Variants in FMN1 observed in about 807,000 individuals in gnomAD.
FMN1 encodes formin-1.
A neutral mutation model predicts 132.4 loss-of-function variants in FMN1; 110 were observed. That is an observed-to-expected ratio of 0.83 (90% CI 0.71 to 0.97). FMN1 has a LOEUF of 0.97. Among genes scored for constraint, FMN1 ranks in the 50% least tolerant of loss-of-function variants. The pLI, the probability that FMN1 is intolerant of heterozygous loss-of-function variation, is 0.00. For missense variants in FMN1, 1,792 were observed against 1,705.3 expected (o/e 1.05, Z -0.90); for synonymous variants, 722 against 651.7 (o/e 1.11, Z -1.64).
chr15:33,007,886 A>G, intron 7 of FMN1, 128 bp downstream of exon 7: 1 of 673,030 alleles, frequency 1.5e-6, no homozygotes, highest in South Asian at 2.3e-5. Flanking sequence ...CACAGTGCCT[A>G]CTGGCAGCTG....
At chr15:32,854,007 G>C (rs1290739995) in intron 17 of FMN1, among the ~76,000 whole-genome samples, 2 of 152,146 alleles carry the variant, frequency 1.3e-5, no homozygotes, top group African/African-American at 4.8e-5. Context: ...ATACAATTTA[G>C]ATTTTCTAGT....
At chr15:32,814,174 C>T (rs2057980284) in intron 17 of FMN1, among the ~76,000 whole-genome samples, 1 of 152,170 alleles carries the variant, frequency 6.6e-6, no homozygotes. Flanking sequence ...CCAAGTTATA[C>T]CATCTTCTAG....
chr15:32,849,248 C>T (rs1419565532), intron 17 of FMN1, among the ~76,000 whole-genome samples: 1 of 151,588 alleles, frequency 6.6e-6, no homozygotes, highest in Non-Finnish European at 1.5e-5. Context: ...GCCTCGGCCT[C>T]CCAAAGTGCT....
intron 17 of FMN1, among the ~76,000 whole-genome samples, chr15:32,821,241 T>C (rs1237980723): frequency 1.3e-5 from 2 of 152,044 alleles, no homozygotes; most frequent in East Asian, 3.9e-4. Flanking sequence ...CTGGGTAAAG[T>C]TGGTCCATTC....
chr15:32,791,999 A>C (rs760995691), intron 19 of FMN1, among the ~76,000 whole-genome samples: 5 of 152,152 alleles, frequency 3.3e-5, no homozygotes, highest in Non-Finnish European at 2.9e-5. Flanking sequence ...CAGAGAATAG[A>C]GCAGAAAAGA....
intron 9 of FMN1, among the ~76,000 whole-genome samples, chr15:32,941,209 GA>G (rs1369902729): frequency 1.3e-5 from 2 of 152,136 alleles, no homozygotes; most frequent in African/African-American, 4.8e-5. Context: ...TTCTTGGGGG[GA>G]AAAGTGGCTA....
At chr15:33,122,842 A>C (rs1359363374) in intron 4 of FMN1, among the ~76,000 whole-genome samples, 1 of 152,222 alleles carries the variant, frequency 6.6e-6, no homozygotes, top group Non-Finnish European at 1.5e-5. Context: ...ATATATAGGA[A>C]TAGAAAGAGA....
At chr15:33,125,985 A>G (rs1254900364) in intron 4 of FMN1, among the ~76,000 whole-genome samples, 1 of 149,910 alleles carries the variant, frequency 6.7e-6, no homozygotes, top group Non-Finnish European at 1.5e-5. Context: ...CTAAGTTAGG[A>G]AAGTGGCTTC....
chr15:32,854,941 A>C (rs1007339962), intron 17 of FMN1, among the ~76,000 whole-genome samples: 1 of 151,854 alleles, frequency 6.6e-6, no homozygotes, highest in African/African-American at 2.4e-5. Context: ...AACAAACAAA[A>C]AAAAGAGCTC....
chr15:32,785,182 G>A (rs1357010737), intron 19 of FMN1, among the ~76,000 whole-genome samples: 1 of 37,404 alleles, frequency 2.7e-5, no homozygotes, highest in African/African-American at 9.7e-5. Flanking sequence ...GTGTGTGTGT[G>A]TGTGTGTGTG....
At chr15:33,091,235 A>C (rs150503571) in intron 4 of FMN1, among the ~76,000 whole-genome samples, 3 of 152,342 alleles carry the variant, frequency 2.0e-5, no homozygotes, top group Non-Finnish European at 2.9e-5. Context: ...CAAGAGAGTG[A>C]AACATTCCCA....
intron 5 of FMN1, among the ~76,000 whole-genome samples, chr15:33,083,719 T>C (rs2038578805): frequency 6.6e-6 from 1 of 152,130 alleles, no homozygotes; most frequent in Non-Finnish European, 1.5e-5. Context: ...ATGGGTAAAA[T>C]AAGGCTGAGA....
chr15:33,046,750 C>CTG (rs1028067930), intron 6 of FMN1, among the ~76,000 whole-genome samples: 1 of 149,718 alleles, frequency 6.7e-6, no homozygotes, highest in African/African-American at 2.5e-5. Context: ...GACTTCTGGT[C>CTG]TCTCTCTCTG....
Position 33,012,424 on chromosome 15 carries a change from G to A in FMN1, c.2162-4349C>T, listed in dbSNP as rs1165471562. ...TCAAAGACCAGGTGCCCACTCAACTGTGAAAAAGACATTTGTTGCTGGCAT... is the reference window on the plus strand; with the variant it reads ...TCAAAGACCAGGTGCCCACTCAACTATGAAAAAGACATTTGTTGCTGGCAT... On this transcript the variant is annotated intron_variant, in intron 6 of 20. Transcript: ENST00000616417. 5.2e-6 allele frequency: 5 copies of A among 955,206 alleles called. No homozygotes were observed. In the Admixed American group the frequency reaches 8.5e-5, roughly 16 times the overall value. The allele number at this position is 955,206 out of a possible 1,614,324, so 59.2% of individuals were successfully genotyped here. A position where few individuals can be genotyped will look rare whatever the true frequency, so the allele number is the denominator to read the frequency against.
At chr15:33,103,082 G>C (rs777158687) in intron 4 of FMN1, among the ~76,000 whole-genome samples, 3 of 152,078 alleles carry the variant, frequency 2.0e-5, no homozygotes, top group Non-Finnish European at 2.9e-5. Context: ...CCTGTGTTTA[G>C]TAGATATATA....
chr15:32,838,063 G>A (rs535164950), intron 17 of FMN1, among the ~76,000 whole-genome samples: 15 of 152,112 alleles, frequency 9.9e-5, no homozygotes, highest in African/African-American at 3.4e-4. Flanking sequence ...AGGCAAGAGG[G>A]AAAGGGATGA....
chr15:32,882,288 T>A (rs1272527067), intron 16 of FMN1, among the ~76,000 whole-genome samples: 1 of 152,234 alleles, frequency 6.6e-6, no homozygotes, highest in East Asian at 1.9e-4. Context: ...TAAACCTGTT[T>A]CAAATTTCAG....
chr15:32,911,179 A>G (rs1486020701), intron 10 of FMN1, among the ~76,000 whole-genome samples: 1 of 152,230 alleles, frequency 6.6e-6, no homozygotes, highest in Non-Finnish European at 1.5e-5. Context: ...TTAGCCGTTA[A>G]CTAATATGCT....
At chr15:33,128,734 G>C (rs139622003) in intron 4 of FMN1, among the ~76,000 whole-genome samples, 6 of 152,312 alleles carry the variant, frequency 3.9e-5, no homozygotes, top group South Asian at 2.1e-4. Context: ...AGCTCTTAAA[G>C]GTGATGTGGT....
Sources: gnomAD v4.1 joint callset for allele counts (sites outside exome capture counted in the v4.1 genomes callset) on GRCh38, gnomAD v4.1.1 for gene constraint, MANE v1.5 for transcripts, NCBI Gene and HGNC (gene_info 2026-07-23, HGNC 2026-07-21) for gene names.